The following NR3C1 variants were observed in gnomAD, a reference collection of about 807,000 sequenced individuals.
NR3C1 encodes nuclear receptor subfamily 3 group C member 1.
In NR3C1, 14 loss-of-function variants were observed where a neutral mutation model predicts 74.0. That is an observed-to-expected ratio of 0.19 (90% CI 0.12 to 0.30). The LOEUF (loss-of-function observed/expected upper bound fraction) is 0.30. Ranked by LOEUF, NR3C1 falls within the 10% of genes least tolerant of loss-of-function variation. The pLI is 1.00. For synonymous variants in NR3C1, 308 were observed against 332.5 expected (o/e 0.93, Z 0.80); for missense variants, 695 against 909.8 (o/e 0.76, Z 3.04).
intron 2 of NR3C1, among the ~76,000 whole-genome samples, chr5:143,392,516 C>T (rs1195804983): frequency 6.6e-6 from 1 of 151,864 alleles, no homozygotes; most frequent in African/African-American, 2.4e-5. Flanking sequence ...TTAAGGTTTC[C>T]TGGTTTTTTT....
At chr5:143,387,305 G>A (rs779993709) in intron 2 of NR3C1, among the ~76,000 whole-genome samples, 10 of 151,956 alleles carry the variant, frequency 6.6e-5, no homozygotes, top group East Asian at 1.9e-4. Flanking sequence ...AATTATAAAC[G>A]AAATCACTAG....
intron 7 of NR3C1, among the ~76,000 whole-genome samples, chr5:143,291,185 C>G (rs988786175): frequency 1.3e-5 from 2 of 151,982 alleles, no homozygotes; most frequent in African/African-American, 4.8e-5. Context: ...ATATTATTTA[C>G]CACTTTTGTT....
At chr5:143,391,461 T>C (rs968700945) in intron 2 of NR3C1, among the ~76,000 whole-genome samples, 4 of 152,194 alleles carry the variant, frequency 2.6e-5, no homozygotes, top group African/African-American at 4.8e-5. Flanking sequence ...GAAAATTTCA[T>C]TCCCATTTTC....
chr5:143,385,064 AT>A (rs1480871084), intron 2 of NR3C1, among the ~76,000 whole-genome samples: 1 of 152,214 alleles, frequency 6.6e-6, no homozygotes, highest in East Asian at 1.9e-4. Flanking sequence ...CCAACACCAC[AT>A]GAAGGCTGCC....
chr5:143,327,045 A>T (rs1458465466), intron 2 of NR3C1, among the ~76,000 whole-genome samples: 1 of 152,196 alleles, frequency 6.6e-6, no homozygotes, highest in African/African-American at 2.4e-5. Context: ...TGTAATCTTC[A>T]TTACTATCCT....
At chr5:143,365,841 AAAG>A (rs1833082902) in intron 2 of NR3C1, among the ~76,000 whole-genome samples, 1 of 152,238 alleles carries the variant, frequency 6.6e-6, no homozygotes, top group African/African-American at 2.4e-5. Context: ...GAGAATTAAC[AAAG>A]AAGGAAATCT....
At chr5:143,295,088 T>C (rs944919735) in intron 7 of NR3C1, 5 of 985,268 alleles carry the variant, frequency 5.1e-6, no homozygotes, top group East Asian at 1.1e-4. Context: ...TAATACTCAT[T>C]AGGAAACTAA....
intron 2 of NR3C1, among the ~76,000 whole-genome samples, chr5:143,320,865 G>A (rs969615553): frequency 2.6e-5 from 4 of 152,166 alleles, no homozygotes; most frequent in Non-Finnish European, 5.9e-5. Context: ...TAAGTCTTGA[G>A]ACCCCAAGCA....
In NR3C1 at chr5:143,300,558, C is replaced by T. The variant is rs927474837; in HGVS notation, c.1674G>A (p.Arg558=). 3 of 1,614,212 alleles carry T rather than the reference C, an allele frequency of 1.9e-6. No individual in the cohort carries two copies. The highest frequency in any genetic ancestry group is 2.7e-5 in the African/African-American group (2 of 75,060). ...YDSSVPDSTW[R]IMTTLNMLGG... is the part of the protein sequence containing the mutation. Reference sequence around the variant, plus strand: ...CTAACATGTTGAGCGTAGTCATGATCCTCCAAGTTGAGTCTGGAACAGAGC... The same window carrying T: ...CTAACATGTTGAGCGTAGTCATGATTCTCCAAGTTGAGTCTGGAACAGAGC... The change falls in exon 5 of 9, where the codon AGG becomes AGA. Residue 558 remains arginine, a synonymous_variant. Transcript: ENST00000394464. This position sits in a 1 kb window ranked among gnomAD's most constrained non-coding sequence, Gnocchi z 5.2.
intron 2 of NR3C1, among the ~76,000 whole-genome samples, chr5:143,332,122 A>G (rs570173234): frequency 4.6e-5 from 7 of 152,294 alleles, no homozygotes; most frequent in African/African-American, 1.7e-4. Context: ...TGTAGCATAA[A>G]TAGCTGACAA....
rs530167085 is a variant in NR3C1 at position 143,324,441 on chromosome 5, G to A, written c.1185-10273C>T. On this transcript the variant is annotated intron_variant, in intron 2 of 8. Transcript: ENST00000394464. ...CTTTCAGCCACAGCTGGAGCAGCTG[G>A]GACACAGGGCACAAAGTCCCTAGCC... Among the ~76,000 whole-genome samples the A allele has an allele frequency of 1.3e-3, 201 of 152,256 alleles. 1 individual carries two copies. Among genetic ancestry groups the A allele is most frequent in the African/African-American group, 4.6e-3 (190 of 41,544 alleles).
chr5:143,423,719 C>T (rs535871438), intron 1 of NR3C1, among the ~76,000 whole-genome samples: 114 of 152,110 alleles, frequency 7.5e-4, no homozygotes, highest in Non-Finnish European at 1.3e-3. Flanking sequence ...TAAGTGTCCA[C>T]CAACAGATGA....
intron 7 of NR3C1, chr5:143,294,985 C>T (rs1816854347): frequency 1.0e-6 from 1 of 985,266 alleles, no homozygotes. Context: ...CTCTGACAAT[C>T]CAGCTCCCAT....
intron 2 of NR3C1, among the ~76,000 whole-genome samples, chr5:143,362,321 T>C (rs972583909): frequency 2.6e-5 from 4 of 151,980 alleles, no homozygotes; most frequent in African/African-American, 9.7e-5. Context: ...ACATTCCTGG[T>C]ATGAAAGACA....
At chr5:143,433,160 C>A (rs1469549478) in intron 1 of NR3C1, among the ~76,000 whole-genome samples, 1 of 151,918 alleles carries the variant, frequency 6.6e-6, no homozygotes, top group Admixed American at 6.6e-5. Flanking sequence ...TAATGATATA[C>A]CCCAAAGGCA....
intron 2 of NR3C1, among the ~76,000 whole-genome samples, chr5:143,327,409 A>G (rs1410902857): frequency 6.6e-6 from 1 of 152,108 alleles, no homozygotes; most frequent in East Asian, 1.9e-4. Context: ...GAGCCAAACC[A>G]TATTATTTTG....
At chr5:143,342,919 G>C (rs1156389705) in intron 2 of NR3C1, among the ~76,000 whole-genome samples, 1 of 152,180 alleles carries the variant, frequency 6.6e-6, no homozygotes, top group Non-Finnish European at 1.5e-5. Flanking sequence ...AAGTAGAGAG[G>C]GAAGTCGAGG....
intron 2 of NR3C1, among the ~76,000 whole-genome samples, chr5:143,372,982 A>G (rs768112902): frequency 6.6e-6 from 1 of 152,212 alleles, no homozygotes; most frequent in Non-Finnish European, 1.5e-5. Flanking sequence ...AATAAAAACA[A>G]AAACAAAAAA....
intron 2 of NR3C1, chr5:143,389,782 T>C (rs989738711): frequency 8.6e-5 from 16 of 186,072 alleles, no homozygotes; most frequent in Non-Finnish European, 1.5e-4. Context: ...TGCTACCTAA[T>C]AGAAAATCTA....
Sources: gnomAD v4.1 joint callset for allele counts (sites outside exome capture counted in the v4.1 genomes callset) on GRCh38, gnomAD v4.1.1 for gene constraint, Gnocchi (gnomAD v3.1) non-coding constraint, MANE v1.5 for transcripts, NCBI Gene and HGNC (gene_info 2026-07-23, HGNC 2026-07-21) for gene names.